Variants in PIP4K2A observed in about 807,000 individuals in gnomAD.
PIP4K2A encodes the protein phosphatidylinositol-5-phosphate 4-kinase type 2 alpha.
Under a neutral mutation model 42.9 loss-of-function variants are expected in PIP4K2A, and 14 were observed. That is an observed-to-expected ratio of 0.33 (90% CI 0.22 to 0.51). The LOEUF is 0.51. Among genes scored for constraint, PIP4K2A ranks in the 20% least tolerant of loss-of-function variants. PIP4K2A has a pLI of 0.97. For synonymous variants in PIP4K2A, 192 were observed against 192.2 expected (o/e 1.00, Z 0.01); for missense variants, 434 against 519.8 (o/e 0.83, Z 1.61).
chr10:22,664,077 G>GTATATATATATATACATA (rs1258845687), intron 1 of PIP4K2A, among the ~76,000 whole-genome samples: 1 of 37,764 alleles, frequency 2.6e-5, no homozygotes, highest in African/African-American at 2.0e-4. Flanking sequence ...ATATATATAC[G>GTATATATATATATACATA]TATATATATA....
At chr10:22,623,388 G>A (rs1395923809) in intron 1 of PIP4K2A, among the ~76,000 whole-genome samples, 1 of 152,056 alleles carries the variant, frequency 6.6e-6, no homozygotes, top group East Asian at 1.9e-4. Flanking sequence ...TCTAACTCAG[G>A]GGCAGACCGC....
intron 1 of PIP4K2A, among the ~76,000 whole-genome samples, chr10:22,628,164 A>G (rs1018598856): frequency 2.6e-5 from 4 of 152,226 alleles, no homozygotes; most frequent in African/African-American, 9.6e-5. Context: ...CCAAGTTACC[A>G]AAGTTTAGAC....
chr10:22,694,796 G>A (rs1839937943), intron 1 of PIP4K2A, among the ~76,000 whole-genome samples: 1 of 152,074 alleles, frequency 6.6e-6, no homozygotes, highest in African/African-American at 2.4e-5. Flanking sequence ...CTTCTCATCT[G>A]TTTTAAAATT....
At chr10:22,576,316 T>C (rs553988646) in intron 4 of PIP4K2A, among the ~76,000 whole-genome samples, 51 of 152,312 alleles carry the variant, frequency 3.3e-4, no homozygotes, top group African/African-American at 1.2e-3. Context: ...CACGATGCGC[T>C]GTTGTAGGCA....
intron 5 of PIP4K2A, among the ~76,000 whole-genome samples, chr10:22,568,247 C>T (rs930002338): frequency 5.3e-5 from 8 of 152,240 alleles, no homozygotes; most frequent in Admixed American, 1.3e-4. Context: ...CTTGTATCAA[C>T]TGCCAGAAAT....
chr10:22,537,321 T>G (rs779379766), intron 9 of PIP4K2A, 40 bp from the exon 10 acceptor site: 1 of 1,459,088 alleles, frequency 6.9e-7, no homozygotes, highest in South Asian at 1.2e-5. Context: ...ACATAGTGTT[T>G]ATGATTTCCC....
intron 6 of PIP4K2A, among the ~76,000 whole-genome samples, chr10:22,565,196 T>C (rs1192023000): frequency 6.6e-6 from 1 of 152,162 alleles, no homozygotes; most frequent in African/African-American, 2.4e-5. Context: ...AACCATCCTT[T>C]CAGGGAGGAT....
intron 1 of PIP4K2A, among the ~76,000 whole-genome samples, chr10:22,625,135 TAC>T (rs1838410168): frequency 6.6e-6 from 1 of 152,238 alleles, no homozygotes; most frequent in Non-Finnish European, 1.5e-5. Flanking sequence ...TGGCCAGTGA[TAC>T]AGTTCTTCCA....
At chr10:22,584,334 G>T (rs1002997398) in intron 4 of PIP4K2A, among the ~76,000 whole-genome samples, 35 of 144,728 alleles carry the variant, frequency 2.4e-4, no homozygotes, top group Non-Finnish European at 5.2e-4. Context: ...AAAAAAAAAA[G>T]ATTAGAACAG....
chr10:22,566,848 G>A (rs566187527), intron 6 of PIP4K2A, among the ~76,000 whole-genome samples: 31 of 152,308 alleles, frequency 2.0e-4, no homozygotes, highest in African/African-American at 7.2e-4. Context: ...TCCTGTCCAA[G>A]TGTTCACCCC....
Position 22,535,840 on chromosome 10 carries a change from A to ATCTC in PIP4K2A, c.*1357_*1360dup. ...CTTTCATAAACCAGACTGGGGCGAAATCTCTTTTTAAAAAAATCAATCATT... is the reference window on the plus strand; with the variant it reads ...CTTTCATAAACCAGACTGGGGCGAAATCTCTCTCTTTTTAAAAAAATCAATCATT... On this transcript the variant is annotated 3_prime_UTR_variant, in exon 10 of 10. Coordinates refer to ENST00000376573, the MANE Select transcript of PIP4K2A (RefSeq NM_005028.5). 2 of 329,622 alleles carry ATCTC rather than the reference A, an allele frequency of 6.1e-6. No individual in the cohort carries two copies. The highest frequency in any genetic ancestry group is 8.8e-5 in the East Asian group (2 of 22,716). 20.4% of individuals were successfully genotyped at this position (329,622 alleles called of 1,614,324 possible).
chr10:22,668,020 C>T (rs1056674848), intron 1 of PIP4K2A, among the ~76,000 whole-genome samples: 1 of 151,908 alleles, frequency 6.6e-6, no homozygotes, highest in Non-Finnish European at 1.5e-5. Context: ...GGCATGGTCT[C>T]GGCTCACTGC....
rs1042882208 is a variant in PIP4K2A at position 22,613,668 on chromosome 10, G to A, written c.145-3951C>T. ...ATGTGGATGGACAAGTTTAAATAGA[G>A]ACAGGAGGCTGGGCTTCCGGGCAGA... is the stretch of plus-strand genomic sequence containing the variant. On this transcript the variant is annotated intron_variant, in intron 1 of 9. Transcript: ENST00000376573. Among the ~76,000 whole-genome samples, 4 of 152,200 alleles carry A rather than the reference G, an allele frequency of 2.6e-5. No individual in the cohort carries two copies. In the East Asian group the frequency reaches 7.7e-4, roughly 29 times the overall value.
intron 3 of PIP4K2A, among the ~76,000 whole-genome samples, chr10:22,594,348 G>A (rs979409982): frequency 6.6e-6 from 1 of 152,194 alleles, no homozygotes. Flanking sequence ...ACTAATTAAA[G>A]AAGGGTTTAA....
At position 22,535,854 on chromosome 10, in the gene PIP4K2A, AAAT is replaced by A; in HGVS notation, c.*1344_*1346del. The stretch of plus-strand genomic sequence containing the variant: ...ACTGGGGCGAAATCTCTTTTTAAAA[AAAT>A]CAATCATTAGGTTGATAAATGTACA... On this transcript the variant is annotated 3_prime_UTR_variant, in exon 10 of 10. Transcript: ENST00000376573. 1 of 347,896 alleles carries A rather than the reference AAAT, an allele frequency of 2.9e-6. No homozygotes were observed. The allele number at this position is 347,896 out of a possible 1,614,324, so 21.6% of individuals were successfully genotyped here.
Position 22,550,686 on chromosome 10 carries a change from G to A in PIP4K2A, c.765C>T (p.Phe255=), listed in dbSNP as rs751485369. 1 of 1,591,434 alleles carries A rather than the reference G, an allele frequency of 6.3e-7. No individual in the cohort carries two copies. The highest frequency in any genetic ancestry group is 1.1e-5 in the South Asian group (1 of 90,654). Residue 255 remains phenylalanine (F), a synonymous_variant, in exon 7 of 10, where the codon TTC becomes TTT. Coordinates refer to ENST00000376573, the MANE Select transcript of PIP4K2A (RefSeq NM_005028.5). The stretch of plus-strand genomic sequence containing the variant: ...CAACATCCTTTTTTAGTTTTTCCAG[G>A]AAGACCTTCTTGTTGTTGTCATCAA... ...IYIDDNNKKV[F]LEKLKKDVEF... is the part of the protein sequence containing the mutation.
At chr10:22,574,889 G>A (rs889579364) in intron 4 of PIP4K2A, among the ~76,000 whole-genome samples, 2 of 152,250 alleles carry the variant, frequency 1.3e-5, no homozygotes, top group East Asian at 3.9e-4. Context: ...AATGAAAAGG[G>A]GTTCTTGGCC....
At chr10:22,610,471 A>G (rs2130711406) in intron 1 of PIP4K2A, among the ~76,000 whole-genome samples, 1 of 152,376 alleles carries the variant, frequency 6.6e-6, no homozygotes, top group African/African-American at 2.4e-5. Context: ...AATAAAAACC[A>G]TGTCAAAGAT....
In PIP4K2A at chr10:22,541,028, TTTA is replaced by T. The variant is rs1230324205; in HGVS notation, c.1036+773_1036+775del. 7.2e-5 allele frequency among the ~76,000 whole-genome samples: 11 copies of T among 152,360 alleles called. No homozygotes were observed. In the Middle Eastern group the frequency reaches 0.01, roughly 141 times the overall value. On this transcript the variant is annotated intron_variant, in intron 8 of 9. Transcript: ENST00000376573. ...AAAAAACAACTGATGAGCCACAGTT[TTTA>T]TTATTCAAAAACCAAGAAGCTGTTT...
Sources: allele counts gnomAD v4.1 joint callset (sites outside exome capture counted in the v4.1 genomes callset), GRCh38; gene constraint gnomAD v4.1.1; transcripts MANE v1.5; gene names NCBI Gene and HGNC (gene_info 2026-07-23, HGNC 2026-07-21).